ARHGEF28: variants seen among roughly 807,000 people sequenced by gnomAD.
ARHGEF28 encodes the protein 190 kDa guanine nucleotide exchange factor.
Under a neutral mutation model 206.6 loss-of-function variants are expected in ARHGEF28, and 152 were observed. The observed-to-expected ratio is 0.74, with a 90% CI of 0.64 to 0.84. The LOEUF (loss-of-function observed/expected upper bound fraction) is 0.84. Among genes scored for constraint, ARHGEF28 ranks in the 40% least tolerant of loss-of-function variants. The pLI, the probability that ARHGEF28 is intolerant of heterozygous loss-of-function variation, is 0.00. For missense variants in ARHGEF28, 2,028 were observed against 2,073.2 expected (o/e 0.98, Z 0.42); for synonymous variants, 763 against 776.4 (o/e 0.98, Z 0.29).
chr5:73,941,012 A>G lies in ARHGEF28; in HGVS notation c.5117A>G (p.Ter1706=). 1 of 1,484,592 alleles carries G rather than the reference A, an allele frequency of 6.7e-7. No homozygotes were observed. 92.0% of individuals were successfully genotyped at this position (1,484,592 alleles called of 1,614,324 possible). ...GCCAAAGAAAATATTGTTTACCTCT[A>G]ATTGTGTTGTCATTTTTCCAAACAA... is the stretch of plus-strand genomic sequence containing the variant. ...DGAKENIVYL[*] is the part of the protein sequence containing the mutation. The change falls in exon 36 of 36, where the codon TAA becomes TGA. Residue 1706 remains the stop codon, a stop_retained_variant. Transcript: ENST00000513042.
intron 12 of ARHGEF28, among the ~76,000 whole-genome samples, chr5:73,847,905 A>C (rs1373929810): frequency 1.3e-5 from 2 of 152,194 alleles, no homozygotes; most frequent in African/African-American, 4.8e-5. Context: ...TAGGAGCCAA[A>C]GCCCAAGGGC....
At chr5:73,728,169 A>G in intron 2 of ARHGEF28, among the ~76,000 whole-genome samples, 1 of 152,210 alleles carries the variant, frequency 6.6e-6, no homozygotes, top group East Asian at 1.9e-4. Context: ...GGTAAATTTG[A>G]TAATGATATC....
At chr5:73,627,258 G>A (rs755256691) in intron 1 of ARHGEF28, 3 of 152,178 alleles carry the variant, frequency 2.0e-5, no homozygotes, top group Non-Finnish European at 4.4e-5. Context: ...GGTTCACCAC[G>A]GACCACACCA....
intron 29 of ARHGEF28, among the ~76,000 whole-genome samples, chr5:73,894,799 A>G (rs986264724): frequency 6.6e-5 from 10 of 152,204 alleles, no homozygotes; most frequent in African/African-American, 2.4e-4. Context: ...TAAGGGAGAG[A>G]GAGGGTGATG....
At chr5:73,816,211 T>A (rs1286203236) in intron 9 of ARHGEF28, among the ~76,000 whole-genome samples, 1 of 152,082 alleles carries the variant, frequency 6.6e-6, no homozygotes, top group African/African-American at 2.4e-5. Flanking sequence ...TGGGGACCCA[T>A]CTCCCAGGAC....
rs747278070 is a variant in ARHGEF28, at chr5:73,864,914, GC to G, written c.2103+43del. 3.2e-6 allele frequency: 5 copies of G among 1,564,158 alleles called. No individual in the cohort carries two copies. In the African/African-American group the frequency reaches 6.8e-5, roughly 21 times the overall value. On this transcript the variant is annotated intron_variant, in intron 17 of 35. Transcript: ENST00000513042. ...CTGTGAATATATATGTGGCATGGTT[GC>G]TTCATAGTATCTATTTGAGCTTTTA...
chr5:73,932,910 G>A (rs1256356313), intron 35 of ARHGEF28, among the ~76,000 whole-genome samples: 2 of 136,594 alleles, frequency 1.5e-5, no homozygotes. Context: ...CCGGGTTCAC[G>A]CCATTCTCCT....
At chr5:73,656,459 C>G (rs1256128265) in intron 1 of ARHGEF28, among the ~76,000 whole-genome samples, 14 of 152,146 alleles carry the variant, frequency 9.2e-5, no homozygotes, top group Admixed American at 9.2e-4. Flanking sequence ...ATTTTTGTCT[C>G]TCTTTCTTTC....
chr5:73,897,019 G>A (rs1020246133), intron 29 of ARHGEF28, among the ~76,000 whole-genome samples: 8 of 152,194 alleles, frequency 5.3e-5, no homozygotes, highest in East Asian at 1.9e-4. Flanking sequence ...GTTATCTTCC[G>A]ACAAAAAGCC....
rs1347975869 is a variant in ARHGEF28, at chr5:73,901,290, G to T, written c.4074+6G>T. 3 of 1,611,378 alleles carry T rather than the reference G, an allele frequency of 1.9e-6. 1 individual carries two copies. The highest frequency in any genetic ancestry group is 2.2e-5 in the South Asian group (2 of 90,450). On this transcript the variant is annotated splice_donor_region_variant and intron_variant, in intron 31 of 35. Transcript: ENST00000513042. Reference sequence around the variant, plus strand: ...TCTCTGATGCAGGGGAGAAGGTATTGTGAACTGATTTGTTAGTAAACGGCA... The same window carrying T: ...TCTCTGATGCAGGGGAGAAGGTATTTTGAACTGATTTGTTAGTAAACGGCA...
intron 2 of ARHGEF28, among the ~76,000 whole-genome samples, chr5:73,710,021 T>G (rs73762167): frequency 0.018 from 2,749 of 152,348 alleles, 83 homozygotes; most frequent in African/African-American, 0.063. Context: ...GCAGCTCCAG[T>G]TATTTGTGAA....
Position 73,712,616 on chromosome 5 carries a change from G to C in ARHGEF28, c.33+27732G>C, listed in dbSNP as rs1042007581. On this transcript the variant is annotated intron_variant, in intron 2 of 35. Transcript: ENST00000513042. ...TGAGACCCAATTTGCATAGAATTTT[G>C]CATGCATGTTAGCTAGTGAGGAGAA... Among the ~76,000 whole-genome samples the C allele has an allele frequency of 5.9e-5, 9 of 152,278 alleles. 1 individual carries two copies. The South Asian group carries it at 1.9e-3, about 32-fold the overall frequency.
At position 73,773,856 on chromosome 5, in the gene ARHGEF28, A is replaced by G. The variant is rs781570292; in HGVS notation, c.477A>G (p.Val159=). 20 of 1,593,740 alleles carry G rather than the reference A, an allele frequency of 1.3e-5. No homozygotes were observed. Among genetic ancestry groups the G allele is most frequent in the South Asian group, 1.0e-4 (9 of 86,604 alleles). The change falls in exon 5 of 36, where the codon GTA becomes GTG. Residue 159 remains valine (V), a splice_region_variant and synonymous_variant. Transcript: ENST00000513042. ...WTVLGSSSLE[V]SSHRESLLHL... The stretch of plus-strand genomic sequence containing the variant: ...TGGTATGTGTTTTTTCCTCTTCAGT[A>G]TCTTCTCACAGAGAATCTCTTCTAC...
chr5:73,850,103 T>TTTTTTTTTTTTTTTTGA (rs1452621978), intron 13 of ARHGEF28, among the ~76,000 whole-genome samples: 2 of 151,356 alleles, frequency 1.3e-5, no homozygotes, highest in Admixed American at 6.6e-5. Context: ...TGCATTTTTA[T>TTTTTTTTTTTTTTTTGA]GCCATGCAGA....
At chr5:73,702,990 T>C (rs992776578) in intron 2 of ARHGEF28, among the ~76,000 whole-genome samples, 5 of 152,210 alleles carry the variant, frequency 3.3e-5, no homozygotes, top group Non-Finnish European at 5.9e-5. Context: ...TAGCAAAGAA[T>C]ATCTAAATCT....
At chr5:73,844,310 C>G (rs1018957956) in intron 11 of ARHGEF28, among the ~76,000 whole-genome samples, 1 of 152,146 alleles carries the variant, frequency 6.6e-6, no homozygotes, top group African/African-American at 2.4e-5. Context: ...GAACTATTTT[C>G]CACTAGTACA....
chr5:73,797,647 G>C lies in ARHGEF28; in HGVS notation c.1024+2256G>C, dbSNP rs187869332. On this transcript the variant is annotated intron_variant, in intron 9 of 35. Coordinates refer to ENST00000513042, the MANE Select transcript of ARHGEF28 (RefSeq NM_001177693.2). ...GATCTGCCAGCCTCGGCCTCCTAAAGTGCTGGGATTACAGTCATGAGGCAC... is the reference window on the plus strand; with the variant it reads ...GATCTGCCAGCCTCGGCCTCCTAAACTGCTGGGATTACAGTCATGAGGCAC... Among the ~76,000 whole-genome samples, 241 of 152,284 alleles carry C rather than the reference G, an allele frequency of 1.6e-3. 1 individual carries two copies. The highest frequency in any genetic ancestry group is 5.3e-3 in the African/African-American group (220 of 41,550).
chr5:73,894,290 G>A, intron 28 of ARHGEF28, 103 bp from the exon 29 acceptor site: 1 of 1,198,946 alleles, frequency 8.3e-7, no homozygotes, highest in Non-Finnish European at 1.2e-6. Context: ...TTCTCTTGGA[G>A]GTCTTACTGC....
chr5:73,755,531 A>G (rs1390678387), intron 4 of ARHGEF28, among the ~76,000 whole-genome samples: 1 of 152,228 alleles, frequency 6.6e-6, no homozygotes, highest in African/African-American at 2.4e-5. Flanking sequence ...ATGGAACCTC[A>G]TAACTGCACA....
Sources: allele counts gnomAD v4.1 joint callset (sites outside exome capture counted in the v4.1 genomes callset), GRCh38; gene constraint gnomAD v4.1.1; transcripts MANE v1.5; gene names NCBI Gene and HGNC (gene_info 2026-07-23, HGNC 2026-07-21).